The following PCDHA7 variants were observed in gnomAD, a reference collection of about 807,000 sequenced individuals.
The protein encoded by PCDHA7 is protocadherin alpha 7, also known as protocadherin alpha-7.
PCDHA7 carries 37 observed loss-of-function variants against 57.2 expected under a neutral mutation model. That is an observed-to-expected ratio of 0.65 (90% CI 0.50 to 0.85). The LOEUF is 0.85. PCDHA7 is among the 40% of genes least tolerant of loss of function. PCDHA7 has a pLI of 0.00. For synonymous variants in PCDHA7, 553 were observed against 558.8 expected, an observed-to-expected ratio of 0.99 and a Z score of 0.15; for missense variants, 1,188 against 1,241.8, an observed-to-expected ratio of 0.96 and a Z score of 0.65.
chr5:140,882,886 G>C, intron 1 of PCDHA7: 1 of 1,614,200 alleles, frequency 6.2e-7, no homozygotes, highest in Non-Finnish European at 8.5e-7. Context: ...AGGAAATTCA[G>C]GAACATAGTT....
At chr5:140,928,711 A>C in intron 1 of PCDHA7, 1 of 1,614,098 alleles carries the variant, frequency 6.2e-7, no homozygotes, top group South Asian at 1.1e-5. Flanking sequence ...GTCTGACTCT[A>C]GTCTCTTTAG....
At position 141,010,088 on chromosome 5, in the gene PCDHA7, C is replaced by T. The variant is rs1165296922; in HGVS notation, c.*151C>T. ...GAAAGTTCCCTGTGTCTGTCTAGAA[C>T]GCATTTAACAGGTTTTGTCGTAAAA... On this transcript the variant is annotated 3_prime_UTR_variant, in exon 4 of 4. Transcript: ENST00000525929. 2.0e-5 allele frequency: 33 copies of T among 1,612,012 alleles called. No homozygotes were observed. Among genetic ancestry groups the T allele is most frequent in the South Asian group, 4.4e-5 (4 of 90,728 alleles).
At chr5:140,946,574 G>C (rs246054) in intron 1 of PCDHA7, among the ~76,000 whole-genome samples, 17 of 145,538 alleles carry the variant, frequency 1.2e-4, no homozygotes, top group African/African-American at 4.5e-4. Flanking sequence ...AATCAACTTA[G>C]GTGTTCATAG....
At chr5:140,857,234 C>A (rs781784109) in intron 1 of PCDHA7, 1 of 1,598,590 alleles carries the variant, frequency 6.3e-7, no homozygotes, top group South Asian at 1.1e-5. Context: ...TCCGTTCAAG[C>A]TGGTGTCCAC....
chr5:140,876,919 GA>G, intron 1 of PCDHA7: 2 of 1,613,952 alleles, frequency 1.2e-6, no homozygotes, highest in Non-Finnish European at 1.7e-6. Context: ...ATGGGACGCG[GA>G]CGCGCAGAAG....
intron 3 of PCDHA7, among the ~76,000 whole-genome samples, chr5:141,000,383 CTCTCTCTCTCTCTATA>C (rs1346959358): frequency 3.2e-5 from 2 of 63,198 alleles, no homozygotes; most frequent in African/African-American, 1.4e-4. Context: ...CTCTCTCTCT[CTCTCTCTCTCTCTATA>C]TATATATATA....
Position 140,835,737 on chromosome 5 carries a change from G to A in PCDHA7, c.1354G>A (p.Ala452Thr). ...GGAGGTGGCCGACGTGAACGACAAC[G>A]CCCCGGCGTTCGCGCAGCCCGAGTA... ...SVEVADVNDN[A>T]PAFAQPEYTV... Residue 452 changes from alanine (A) to threonine (T), a missense_variant, in exon 1 of 4, where the codon GCC becomes ACC. Coordinates refer to ENST00000525929, the MANE Select transcript of PCDHA7 (RefSeq NM_018910.3). 6.2e-7 allele frequency: 1 copy of A among 1,613,716 alleles called. No homozygotes were observed. Among genetic ancestry groups the A allele is most frequent in the Non-Finnish European group, 8.5e-7 (1 of 1,179,836 alleles).
intron 1 of PCDHA7, among the ~76,000 whole-genome samples, chr5:140,887,879 A>G (rs956379948): frequency 1.3e-5 from 2 of 152,154 alleles, no homozygotes; most frequent in South Asian, 4.1e-4. Context: ...TTCCTTTTGT[A>G]GTATCATATC....
intron 1 of PCDHA7, among the ~76,000 whole-genome samples, chr5:140,909,036 C>T (rs2074275767): frequency 6.6e-6 from 1 of 152,162 alleles, no homozygotes; most frequent in Non-Finnish European, 1.5e-5. Flanking sequence ...CATTTATTTT[C>T]CATACTCTGG....
chr5:140,996,848 G>A (rs560517454), intron 3 of PCDHA7, among the ~76,000 whole-genome samples: 1 of 152,254 alleles, frequency 6.6e-6, no homozygotes, highest in African/African-American at 2.4e-5. Flanking sequence ...TGCATCTTCA[G>A]AATTCTTTAT....
rs1554169291 is a variant in PCDHA7 at position 140,877,075 on chromosome 5, G to A, written c.2355+40337G>A. On this transcript the variant is annotated intron_variant, in intron 1 of 3. Transcript: ENST00000525929. ...GGAGCTGGAGCTGCTGCAGTTCCAGGTGAGCGCGCGCGACGCCGGCGTGCC... is the reference window on the plus strand; with the variant it reads ...GGAGCTGGAGCTGCTGCAGTTCCAGATGAGCGCGCGCGACGCCGGCGTGCC... 6.2e-7 allele frequency: 1 copy of A among 1,612,986 alleles called. No individual in the cohort carries two copies. The highest frequency in any genetic ancestry group is 1.1e-5 in the South Asian group (1 of 91,036).
At chr5:140,996,596 C>T (rs1343501273) in intron 3 of PCDHA7, among the ~76,000 whole-genome samples, 1 of 152,156 alleles carries the variant, frequency 6.6e-6, no homozygotes, top group Non-Finnish European at 1.5e-5. Flanking sequence ...CCGCCTCCCC[C>T]CATTTTCATT....
intron 1 of PCDHA7, chr5:140,869,370 G>A: frequency 6.2e-7 from 1 of 1,614,138 alleles, no homozygotes; most frequent in South Asian, 1.1e-5. Flanking sequence ...TGAATTCTCG[G>A]ATCGACCGCG....
At chr5:140,951,082 C>G (rs1563248212) in intron 1 of PCDHA7, among the ~76,000 whole-genome samples, 1 of 151,404 alleles carries the variant, frequency 6.6e-6, no homozygotes, top group African/African-American at 2.4e-5. Context: ...TTATATTTTC[C>G]TTTTTTTCTG....
intron 1 of PCDHA7, among the ~76,000 whole-genome samples, chr5:140,974,111 T>C (rs1475006775): frequency 2.0e-5 from 3 of 152,280 alleles, no homozygotes; most frequent in Non-Finnish European, 4.4e-5. Flanking sequence ...AAGTATTCTT[T>C]TGCAGTGTTT....
intron 1 of PCDHA7, among the ~76,000 whole-genome samples, chr5:140,838,775 A>T (rs1233397292): frequency 2.0e-5 from 3 of 151,986 alleles, no homozygotes; most frequent in Non-Finnish European, 4.4e-5. Context: ...TTGTAAAATT[A>T]GCTATGCATG....
At chr5:140,987,318 A>C (rs148008812) in intron 3 of PCDHA7, among the ~76,000 whole-genome samples, 3,398 of 152,304 alleles carry the variant, frequency 0.022, 70 homozygotes, top group Admixed American at 0.058. Flanking sequence ...TGTACTGTGA[A>C]GTTTTAAGAA....
Position 140,927,154 on chromosome 5 carries a change from A to C in PCDHA7, c.2356-51795A>C, listed in dbSNP as rs141284501. 8 of 1,614,050 alleles carry C rather than the reference A, an allele frequency of 5.0e-6. No individual in the cohort carries two copies. The African/African-American group carries it at 8.0e-5, about 16-fold the overall frequency. On this transcript the variant is annotated intron_variant, in intron 1 of 3. Transcript: ENST00000525929. ...GCCGGCGGACCGCGAACAGCTGTGC[A>C]GGGCCAAAGCTGCCTGCGTCTTGAC...
chr5:140,918,175 CT>C (rs1429626043), intron 1 of PCDHA7, among the ~76,000 whole-genome samples: 2 of 152,076 alleles, frequency 1.3e-5, no homozygotes, highest in Non-Finnish European at 2.9e-5. Context: ...GCATTGTGTT[CT>C]TGATTTGGCC....
Sources: gnomAD v4.1 joint callset for allele counts (sites outside exome capture counted in the v4.1 genomes callset) on GRCh38, gnomAD v4.1.1 for gene constraint, MANE v1.5 for transcripts, NCBI Gene and HGNC (gene_info 2026-07-23, HGNC 2026-07-21) for gene names.